Variants in LCORL observed in about 807,000 individuals in gnomAD.
LCORL encodes the protein ligand dependent nuclear receptor corepressor like, also known as ligand-dependent nuclear receptor corepressor-like protein.
Under a neutral mutation model 141.8 loss-of-function variants are expected in LCORL, and 41 were observed. That is an observed-to-expected ratio of 0.29 (90% confidence interval 0.23 to 0.38). The LOEUF (loss-of-function observed/expected upper bound fraction) is 0.38. LCORL is among the 10% of genes least tolerant of loss of function. The pLI is 1.00. For synonymous variants in LCORL, 618 were observed against 694.1 expected (o/e 0.89, Z 1.72); for missense variants, 1,759 against 2,035.0 (o/e 0.86, Z 2.61).
At chr4:17,875,334 G>C in exon 7 of LCORL, 1 of 1,231,376 alleles carries the variant, frequency 8.1e-7, no homozygotes, top group African/African-American at 1.6e-5. Context: ...GTTCTTGATG[G>C]GTCTCACATA....
At chr4:17,897,689 T>C (rs563939108) in intron 5 of LCORL, among the ~76,000 whole-genome samples, 45 of 152,188 alleles carry the variant, frequency 3.0e-4, no homozygotes, top group Non-Finnish European at 5.4e-4. Flanking sequence ...TCCACCGAAA[T>C]TGTTCTTCTA....
chr4:17,888,434 G>A (rs1345918153), intron 5 of LCORL, among the ~76,000 whole-genome samples: 2 of 152,012 alleles, frequency 1.3e-5, no homozygotes, highest in Non-Finnish European at 2.9e-5. Flanking sequence ...TCCCTCAAAC[G>A]TGCTATGCAG....
At chr4:17,912,408 T>C (rs931760075) in intron 4 of LCORL, 6 of 623,512 alleles carry the variant, frequency 9.6e-6, no homozygotes, top group African/African-American at 5.5e-5. Flanking sequence ...CGGAGGTAGA[T>C]GCCACTAAAT....
Position 17,902,432 on chromosome 4 carries a change from G to T in LCORL, c.682+6662C>A, listed in dbSNP as rs1017593561. Among the ~76,000 whole-genome samples the T allele has an allele frequency of 2.3e-4, 35 of 152,164 alleles. 2 individuals carry two copies. The South Asian group carries it at 6.6e-3, about 29-fold the overall frequency. On this transcript the variant is annotated intron_variant, in intron 5 of 7. Coordinates refer to ENST00000635767, the Ensembl canonical transcript of LCORL. The stretch of plus-strand genomic sequence containing the variant: ...TGGAATATAACATTTTCTTCCACAT[G>T]TTTTTAGCCACAGAAAACAAAAGCT...
intron 5 of LCORL, among the ~76,000 whole-genome samples, chr4:17,906,300 AGTCTG>A (rs1386032919): frequency 6.6e-6 from 1 of 152,204 alleles, no homozygotes; most frequent in African/African-American, 2.4e-5. Context: ...TGTTACTTTC[AGTCTG>A]GTAGCTTTCT....
chr4:17,914,626 C>T (rs141485121), intron 4 of LCORL, among the ~76,000 whole-genome samples: 2 of 152,252 alleles, frequency 1.3e-5, no homozygotes, highest in East Asian at 3.9e-4. Context: ...ATCACTTGCA[C>T]AAGTTGTCAT....
rs529893122 is a variant in LCORL, at chr4:17,904,510, T to A, written c.682+4584A>T. The stretch of plus-strand genomic sequence containing the variant: ...TTGAATTAAGATATTATCCTATAAT[T>A]TCCTCTCTTTTAGTTTTGCTTTTCA... On this transcript the variant is annotated intron_variant, in intron 5 of 7. Transcript: ENST00000635767. Among the ~76,000 whole-genome samples, 104 of 152,258 alleles carry A rather than the reference T, an allele frequency of 6.8e-4. 1 individual carries two copies. Among genetic ancestry groups the A allele is most frequent in the Non-Finnish European group, 6.2e-4 (42 of 67,952 alleles).
chr4:17,879,945 G>A (rs1236668779), intron 6 of LCORL, among the ~76,000 whole-genome samples: 5 of 151,000 alleles, frequency 3.3e-5, no homozygotes, highest in African/African-American at 1.2e-4. Flanking sequence ...CAAAACTAAT[G>A]ACTAGTGTTA....
chr4:17,950,468 G>C (rs891517396), intron 4 of LCORL, among the ~76,000 whole-genome samples: 1 of 152,000 alleles, frequency 6.6e-6, no homozygotes, highest in African/African-American at 2.4e-5. Flanking sequence ...TCTGATGTGG[G>C]GTGCTAATAC....
intron 1 of LCORL, among the ~76,000 whole-genome samples, chr4:17,989,899 A>C (rs35852935): frequency 0.028 from 4,201 of 152,126 alleles, 104 homozygotes; most frequent in South Asian, 0.053. Context: ...TCTTGTTAGC[A>C]CAATTCAGTT....
intron 1 of LCORL, among the ~76,000 whole-genome samples, chr4:17,995,770 A>G (rs1429315751): frequency 1.3e-5 from 2 of 152,086 alleles, no homozygotes; most frequent in East Asian, 1.9e-4. Context: ...CCTGAGTTTT[A>G]TATCTAATAT....
At chr4:17,843,365 C>G (rs756450442) in exon 8 of LCORL, 4 of 1,611,738 alleles carry the variant, frequency 2.5e-6, no homozygotes, top group Non-Finnish European at 3.4e-6. Flanking sequence ...GAGCCAAAAC[C>G]GCAGCACTAG....
At position 17,884,659 on chromosome 4, in the gene LCORL, T is replaced by A; in HGVS notation, c.776+1409A>T. 6.5e-7 allele frequency: 1 copy of A among 1,540,682 alleles called. No individual in the cohort carries two copies. The highest frequency in any genetic ancestry group is 8.7e-7 in the Non-Finnish European group (1 of 1,143,536). On this transcript the variant is annotated intron_variant, in intron 6 of 7. Coordinates refer to ENST00000635767, the Ensembl canonical transcript of LCORL. The surrounding 1 kb of genome is among the most constrained non-coding windows in gnomAD (Gnocchi z 4.4). Reference sequence around the variant, plus strand: ...TGCCTGCTTTATTTATGTCCAGTGCTCCAGACTGAATGTCTTTCAAAGCTT... The same window carrying A: ...TGCCTGCTTTATTTATGTCCAGTGCACCAGACTGAATGTCTTTCAAAGCTT...
At chr4:18,013,822 T>C (rs905102700) in intron 1 of LCORL, among the ~76,000 whole-genome samples, 4 of 151,924 alleles carry the variant, frequency 2.6e-5, no homozygotes, top group Non-Finnish European at 5.9e-5. Flanking sequence ...GTTGAATTTT[T>C]TTTTTTTTCG....
chr4:17,996,468 T>C (rs943850151), intron 1 of LCORL, among the ~76,000 whole-genome samples: 2 of 152,088 alleles, frequency 1.3e-5, no homozygotes, highest in African/African-American at 2.4e-5. Flanking sequence ...TTCATTATAC[T>C]GAAATAACTT....
At chr4:17,937,179 T>C (rs1018175126) in intron 4 of LCORL, among the ~76,000 whole-genome samples, 5 of 152,164 alleles carry the variant, frequency 3.3e-5, no homozygotes, top group African/African-American at 1.2e-4. Context: ...TGGGTTAACA[T>C]TTTAGTCATT....
chr4:17,877,676 G>C, exon 7 of LCORL: 6 of 1,229,612 alleles, frequency 4.9e-6, no homozygotes, highest in Non-Finnish European at 5.1e-6. Flanking sequence ...GTGGGGGTGA[G>C]GGACTTCGAG....
At position 18,021,686 on chromosome 4, in the gene LCORL, A is replaced by AGAG. The variant is rs1725616282; in HGVS notation, c.65_66insCTC (p.Ala22_Gln23insSer). On this transcript the variant is annotated inframe_insertion, in exon 1 of 8. Transcript: ENST00000635767. This position sits in a 1 kb window ranked among gnomAD's most constrained non-coding sequence, Gnocchi z 5.5. The stretch of plus-strand genomic sequence containing the variant: ...CCGCGCACCGAGGGCTCCGGCACTG[A>AGAG]GCGGCGGCGGCGGCGGCGGCAGCAG... 6.6e-7 allele frequency: 1 copy of AGAG among 1,522,462 alleles called. No homozygotes were observed. Among genetic ancestry groups the AGAG allele is most frequent in the Non-Finnish European group, 8.8e-7 (1 of 1,133,668 alleles). The allele number at this position is 1,522,462 out of a possible 1,614,324, so 94.3% of individuals were successfully genotyped here.
intron 1 of LCORL, among the ~76,000 whole-genome samples, chr4:18,016,210 A>G (rs1724605610): frequency 6.6e-6 from 1 of 152,152 alleles, no homozygotes; most frequent in Non-Finnish European, 1.5e-5. Flanking sequence ...TGCTTTCTAT[A>G]TGAAAGACAC....
Sources: gnomAD v4.1 joint callset for allele counts (sites outside exome capture counted in the v4.1 genomes callset) on GRCh38, gnomAD v4.1.1 for gene constraint, Gnocchi (gnomAD v3.1) non-coding constraint, MANE v1.5 for transcripts, NCBI Gene and HGNC (gene_info 2026-07-23, HGNC 2026-07-21) for gene names.